The following DRC5 variants were observed in gnomAD, a reference collection of about 807,000 sequenced individuals.
The protein encoded by DRC5 is dynein regulatory complex subunit 5.
the DRC5 span, among the ~76,000 whole-genome samples, chr6:44,288,564 G>C: frequency 6.6e-6 from 1 of 152,136 alleles, no homozygotes; most frequent in Non-Finnish European, 1.5e-5. Flanking sequence ...CCTGCACTAA[G>C]TATTTCATAG....
chr6:44,293,306 CAAAAA>C, the DRC5 span, among the ~76,000 whole-genome samples: 1,453 of 88,856 alleles, frequency 0.016, 31 homozygotes, highest in African/African-American at 0.062. Flanking sequence ...ACTATCCTCT[CAAAAA>C]AAAAAAAAAA....
chr6:44,293,353 C>T, the DRC5 span, among the ~76,000 whole-genome samples: 1 of 150,264 alleles, frequency 6.7e-6, no homozygotes, highest in African/African-American at 2.5e-5. Context: ...TGGCTCACAC[C>T]TGTAATCCTA....
the DRC5 span, among the ~76,000 whole-genome samples, chr6:44,296,006 T>C: frequency 1.5e-3 from 224 of 152,360 alleles, 1 homozygote; most frequent in African/African-American, 5.0e-3. Flanking sequence ...TACATAATTT[T>C]ATTAAAATCT....
At chr6:44,295,097 T>C in the DRC5 span, among the ~76,000 whole-genome samples, 1 of 152,172 alleles carries the variant, frequency 6.6e-6, no homozygotes, top group Non-Finnish European at 1.5e-5. Flanking sequence ...CTCCGGAGCT[T>C]TCTTTCCCTG....
the DRC5 span, among the ~76,000 whole-genome samples, chr6:44,285,783 C>A: frequency 6.6e-6 from 1 of 152,118 alleles, no homozygotes; most frequent in African/African-American, 2.4e-5. Flanking sequence ...GGGAGAGCAG[C>A]GCCTTGTTCA....
chr6:44,296,739 C>G, the DRC5 span, among the ~76,000 whole-genome samples: 1 of 151,700 alleles, frequency 6.6e-6, no homozygotes, highest in Non-Finnish European at 1.5e-5. Context: ...ACTGCTCTGA[C>G]TGCCTTCTCT....
At chr6:44,290,433 G>T in the DRC5 span, among the ~76,000 whole-genome samples, 8 of 152,270 alleles carry the variant, frequency 5.3e-5, no homozygotes, top group Non-Finnish European at 1.2e-4. Context: ...GGGGTCTGAG[G>T]CTGCAGAGAC....
chr6:44,280,083 T>G, the DRC5 span: 21 of 1,127,656 alleles, frequency 1.9e-5, no homozygotes, highest in East Asian at 4.5e-4. Context: ...ACAGTCCCCC[T>G]CCCCGCTCCC....
At chr6:44,287,596 G>A in the DRC5 span, 2 of 1,614,052 alleles carry the variant, frequency 1.2e-6, no homozygotes, top group African/African-American at 1.3e-5. Flanking sequence ...TGTGAGGAGG[G>A]GCACGATGGC....
At chr6:44,295,049 G>T in the DRC5 span, among the ~76,000 whole-genome samples, 2 of 152,216 alleles carry the variant, frequency 1.3e-5, no homozygotes, top group Non-Finnish European at 2.9e-5. Flanking sequence ...AGGACCCACA[G>T]AGGGCAGTCC....
chr6:44,278,981 G>A, the DRC5 span: 2 of 152,288 alleles, frequency 1.3e-5, no homozygotes, highest in Middle Eastern at 3.4e-3. Context: ...GCACACACAT[G>A]CAGTCACTCC....
the DRC5 span, among the ~76,000 whole-genome samples, chr6:44,286,806 C>T: frequency 6.6e-6 from 1 of 152,252 alleles, no homozygotes; most frequent in Non-Finnish European, 1.5e-5. Context: ...TCTCAATTAT[C>T]ACCTGGTCTG....
chr6:44,289,019 A>AAAAAG, the DRC5 span, among the ~76,000 whole-genome samples: 5 of 143,468 alleles, frequency 3.5e-5, 1 homozygote, highest in African/African-American at 1.3e-4. Context: ...AAAAAAAAAA[A>AAAAAG]AAAGAAAAAC....
chr6:44,288,917 C>G, the DRC5 span, among the ~76,000 whole-genome samples: 3 of 121,276 alleles, frequency 2.5e-5, no homozygotes, highest in Admixed American at 1.2e-4. Flanking sequence ...TCAGTTAAAC[C>G]TGGGATGCAG....
the DRC5 span, among the ~76,000 whole-genome samples, chr6:44,294,139 C>T: frequency 1.4e-4 from 21 of 152,136 alleles, no homozygotes; most frequent in Admixed American, 4.6e-4. Flanking sequence ...TGCACCACCA[C>T]GGCTGGCTAA....
chr6:44,287,772 G>C, the DRC5 span: 2 of 1,614,218 alleles, frequency 1.2e-6, no homozygotes, highest in Non-Finnish European at 1.7e-6. Flanking sequence ...CCTGGGTGGA[G>C]ACTGAGGAGT....
the DRC5 span, among the ~76,000 whole-genome samples, chr6:44,283,804 C>A: frequency 3.9e-5 from 6 of 152,216 alleles, no homozygotes; most frequent in African/African-American, 1.4e-4. Flanking sequence ...TAATCTACAA[C>A]AACTATTTCA....
chr6:44,290,687 C>T, the DRC5 span, among the ~76,000 whole-genome samples: 1 of 152,226 alleles, frequency 6.6e-6, no homozygotes, highest in Non-Finnish European at 1.5e-5. Context: ...CCAGATATGT[C>T]CCTGGACACC....
the DRC5 span, chr6:44,286,419 A>G: frequency 6.2e-7 from 1 of 1,614,216 alleles, no homozygotes; most frequent in Admixed American, 1.7e-5. Flanking sequence ...CAGCGGAGCC[A>G]GTAGTTCTCA....
Sources: allele counts gnomAD v4.1 joint callset (sites outside exome capture counted in the v4.1 genomes callset), GRCh38; gene constraint gnomAD v4.1.1; transcripts MANE v1.5; gene names NCBI Gene and HGNC (gene_info 2026-07-23, HGNC 2026-07-21).